The following TENM1 variants were observed in gnomAD, a reference collection of about 807,000 sequenced individuals.
The protein encoded by TENM1 is teneurin transmembrane protein 1.
In TENM1, 35 loss-of-function variants were observed where a neutral mutation model predicts 174.8. That is an observed-to-expected ratio of 0.20 (90% CI 0.15 to 0.27). TENM1 has a LOEUF of 0.27. TENM1 is among the 10% of genes least tolerant of loss of function. TENM1 has a pLI of 1.00. For missense variants in TENM1, 1,633 were observed against 2,130.1 expected, an observed-to-expected ratio of 0.77 and a Z score of 4.59; for synonymous variants, 781 against 798.7, an observed-to-expected ratio of 0.98 and a Z score of 0.37.
intron 1 of TENM1, among the ~76,000 whole-genome samples, chrX:124,922,514 T>C (rs1414057180): frequency 9.0e-6 from 1 of 111,180 alleles, no homozygotes; most frequent in Non-Finnish European, 1.9e-5. Flanking sequence ...AATATATATC[T>C]ATATATTCTT....
chrX:124,773,029 A>G (rs1569438066), intron 3 of TENM1, among the ~76,000 whole-genome samples: 1 of 112,169 alleles, frequency 8.9e-6, no homozygotes, highest in Non-Finnish European at 1.9e-5. Flanking sequence ...GATCGAAAAC[A>G]TAACATTTAG....
chrX:124,963,879 C>G, upstream of TENM1: 1 of 549,192 alleles, frequency 1.8e-6, no homozygotes. Context: ...GGAAATGCAT[C>G]TGGCAGATTC....
chrX:125,025,809 G>A, the TENM1 span, among the ~76,000 whole-genome samples: 2 of 110,848 alleles, frequency 1.8e-5, no homozygotes, highest in South Asian at 3.8e-4. Flanking sequence ...TTAAAGCACC[G>A]CTAAATACCT....
intron 3 of TENM1, among the ~76,000 whole-genome samples, chrX:124,779,060 A>T (rs1365924386): frequency 9.0e-6 from 1 of 111,710 alleles, no homozygotes; most frequent in Non-Finnish European, 1.9e-5. Context: ...GTAGAGGATA[A>T]TGAAAATCAA....
intron 22 of TENM1, among the ~76,000 whole-genome samples, chrX:124,464,426 T>G (rs948088409): frequency 1.8e-5 from 2 of 112,185 alleles, no homozygotes; most frequent in African/African-American, 6.5e-5. Context: ...GGAATTAAAA[T>G]TTCTTTAGGA....
intron 18 of TENM1, among the ~76,000 whole-genome samples, chrX:124,512,621 G>A (rs1280329502): frequency 9.0e-6 from 1 of 111,538 alleles, no homozygotes; most frequent in African/African-American, 3.3e-5. Flanking sequence ...ACCCCTGTTT[G>A]TAATTTATTC....
intron 5 of TENM1, among the ~76,000 whole-genome samples, chrX:124,694,556 G>A (rs2148477598): frequency 1.8e-5 from 2 of 111,901 alleles, no homozygotes; most frequent in African/African-American, 6.5e-5. Flanking sequence ...AAAGGCCAAT[G>A]TTACCCTATG....
intron 11 of TENM1, among the ~76,000 whole-genome samples, chrX:124,639,087 G>A (rs1309147526): frequency 9.0e-6 from 1 of 111,527 alleles, no homozygotes; most frequent in Non-Finnish European, 1.9e-5. Context: ...CTCAAAGGTG[G>A]TTTGTTTTAA....
intron 27 of TENM1, among the ~76,000 whole-genome samples, chrX:124,397,209 G>A (rs2060344764): frequency 8.9e-6 from 1 of 111,959 alleles, no homozygotes; most frequent in Non-Finnish European, 1.9e-5. Flanking sequence ...TCTTTCTGAG[G>A]ACTTTGTGTT....
At chrX:124,484,283 C>A (rs2046907488) in intron 21 of TENM1, among the ~76,000 whole-genome samples, 1 of 111,508 alleles carries the variant, frequency 9.0e-6, no homozygotes, top group Admixed American at 9.5e-5. Flanking sequence ...TGGGTTTGAC[C>A]TTGATCTCCT....
chrX:124,713,840 G>A (rs189435887), intron 4 of TENM1, among the ~76,000 whole-genome samples: 1 of 111,674 alleles, frequency 9.0e-6, no homozygotes, highest in East Asian at 2.8e-4. Flanking sequence ...TTCTATTTGC[G>A]GGCAAATATT....
In TENM1 at chrX:124,420,876, A is replaced by G. The variant is rs2076164; in HGVS notation, c.4472-55T>C. 0.15 allele frequency: 161,352 copies of G among 1,082,640 alleles called. 8,381 individuals are homozygous for G. The highest frequency in any genetic ancestry group is 0.34 in the South Asian group (16,734 of 49,417). 89.2% of individuals were successfully genotyped at this position (1,082,640 alleles called of 1,213,427 possible). On this transcript the variant is annotated intron_variant, in intron 24 of 31. Transcript: ENST00000422452. ...TGGCATCATAAGCATTTACATGAAC[A>G]TACCACAGACATAAAGCTCTGTGCA...
chrX:124,644,490 C>T (rs951638602), intron 10 of TENM1, among the ~76,000 whole-genome samples: 5 of 109,667 alleles, frequency 4.6e-5, no homozygotes, highest in East Asian at 5.7e-4. Flanking sequence ...GCATGAAAAA[C>T]GTCTGATTAC....
At chrX:124,879,497 A>G (rs2057266680) in intron 3 of TENM1, among the ~76,000 whole-genome samples, 1 of 111,966 alleles carries the variant, frequency 8.9e-6, no homozygotes, top group Admixed American at 9.4e-5. Context: ...TATGTACCAC[A>G]TTTTCTTTAT....
chrX:125,150,840 A>G, the TENM1 span, among the ~76,000 whole-genome samples: 1 of 112,213 alleles, frequency 8.9e-6, no homozygotes, highest in Non-Finnish European at 1.9e-5. Context: ...CAAGGATAAA[A>G]CTTCTGTGTG....
At chrX:124,440,020 C>T (rs2060886454) in intron 23 of TENM1, among the ~76,000 whole-genome samples, 1 of 110,967 alleles carries the variant, frequency 9.0e-6, no homozygotes, top group Non-Finnish European at 1.9e-5. Flanking sequence ...TTAAGCTTTA[C>T]TGACTTTATA....
chrX:124,493,157 A>G (rs2047109258), intron 20 of TENM1, among the ~76,000 whole-genome samples: 1 of 111,554 alleles, frequency 9.0e-6, no homozygotes, highest in African/African-American at 3.3e-5. Context: ...CAAACTGTCA[A>G]AAACTAATTT....
chrX:125,160,568 A>T, the TENM1 span, among the ~76,000 whole-genome samples: 619 of 104,835 alleles, frequency 5.9e-3, 7 homozygotes, highest in African/African-American at 0.021. Context: ...AAAAAAAAAA[A>T]ACAGAGAGAG....
intron 3 of TENM1, among the ~76,000 whole-genome samples, chrX:124,794,358 C>G (rs955236201): frequency 2.7e-5 from 3 of 111,480 alleles, no homozygotes; most frequent in Non-Finnish European, 5.7e-5. Context: ...ATTCTTGATT[C>G]CCCTATTTTC....
Sources: allele counts gnomAD v4.1 joint callset (sites outside exome capture counted in the v4.1 genomes callset), GRCh38; gene constraint gnomAD v4.1.1; transcripts MANE v1.5; gene names NCBI Gene and HGNC (gene_info 2026-07-23, HGNC 2026-07-21).